NEK3: variants seen among roughly 807,000 people sequenced by gnomAD.
NEK3 encodes the protein serine/threonine-protein kinase Nek3.
In NEK3, 54 loss-of-function variants were observed where a neutral mutation model predicts 66.0. The observed-to-expected ratio is 0.82, with a 90% CI of 0.66 to 1.03. The LOEUF is 1.03. Ranked by LOEUF, NEK3 falls within the 50% of genes least tolerant of loss-of-function variation. The probability of loss-of-function intolerance (pLI) is 0.00; values close to 1 mark genes in which losing one functional copy is unlikely to be tolerated. For synonymous variants in NEK3, 200 were observed against 206.2 expected (o/e 0.97, Z 0.26); for missense variants, 593 against 603.0 (o/e 0.98, Z 0.17).
intron 11 of NEK3, among the ~76,000 whole-genome samples, chr13:52,139,246 T>C (rs1289176680): frequency 6.6e-6 from 1 of 152,206 alleles, no homozygotes; most frequent in African/African-American, 2.4e-5. Context: ...GAATGAAGTT[T>C]TGACACACAG....
chr13:52,133,065 T>A lies in NEK3; in HGVS notation c.*77A>T. 1 of 1,131,438 alleles carries A rather than the reference T, an allele frequency of 8.8e-7. No individual in the cohort carries two copies. The allele number at this position is 1,131,438 out of a possible 1,614,324, so 70.1% of individuals were successfully genotyped here. ...TTTCCAAAGGAAAATATACGTCGCA[T>A]GAACTCATGATCATCTCAGCATGAA... is the stretch of plus-strand genomic sequence containing the variant. On this transcript the variant is annotated 3_prime_UTR_variant, in exon 16 of 16. Transcript: ENST00000610828.
At chr13:52,133,966 A>C in intron 14 of NEK3, 151 bp from the exon 15 acceptor site, 1 of 711,606 alleles carries the variant, frequency 1.4e-6, no homozygotes. Flanking sequence ...ACCCAACATG[A>C]TTGTAGGCAT....
At chr13:52,143,250 A>C (rs1449957440) in intron 10 of NEK3, among the ~76,000 whole-genome samples, 1 of 151,854 alleles carries the variant, frequency 6.6e-6, no homozygotes, top group Non-Finnish European at 1.5e-5. Flanking sequence ...TGGGGGGCAG[A>C]GGTTGCAGTG....
chr13:52,156,224 C>A lies in NEK3; in HGVS notation c.-33G>T. On this transcript the variant is annotated 5_prime_UTR_variant, in exon 2 of 16. Coordinates refer to ENST00000610828, the MANE Select transcript of NEK3 (RefSeq NM_002498.3). ...CATCCACACAGCTGGGCTCCACTCA[C>A]GCAGTCACCATGGGCTCTCCCAAAC... is the stretch of plus-strand genomic sequence containing the variant. The A allele has an allele frequency of 7.5e-7, 1 of 1,333,256 alleles. No individual in the cohort carries two copies. Among genetic ancestry groups the A allele is most frequent in the Non-Finnish European group, 1.1e-6 (1 of 943,078 alleles). 82.6% of individuals were successfully genotyped at this position (1,333,256 alleles called of 1,614,324 possible).
At chr13:52,143,204 T>A (rs1224166958) in intron 10 of NEK3, among the ~76,000 whole-genome samples, 1 of 151,928 alleles carries the variant, frequency 6.6e-6, no homozygotes, top group Non-Finnish European at 1.5e-5. Context: ...TAATCCTAGC[T>A]ACTTGGGAGG....
intron 10 of NEK3, among the ~76,000 whole-genome samples, chr13:52,141,357 A>T (rs1457717809): frequency 6.6e-6 from 1 of 152,258 alleles, no homozygotes; most frequent in Non-Finnish European, 1.5e-5. Flanking sequence ...AAGAGGTAAC[A>T]TACTCTGCAT....
chr13:52,154,051 T>C, intron 3 of NEK3, 29 bp downstream of exon 3: 1 of 1,601,970 alleles, frequency 6.2e-7, no homozygotes, highest in Non-Finnish European at 8.5e-7. Flanking sequence ...AATTCAGAAA[T>C]GCACATATCT....
At chr13:52,143,576 T>A (rs1178938916) in intron 10 of NEK3, among the ~76,000 whole-genome samples, 1 of 152,196 alleles carries the variant, frequency 6.6e-6, no homozygotes, top group African/African-American at 2.4e-5. Context: ...TCCTACAAGA[T>A]TAGTGCTATA....
At chr13:52,147,820 T>G (rs889333122) in intron 8 of NEK3, among the ~76,000 whole-genome samples, 1 of 151,674 alleles carries the variant, frequency 6.6e-6, no homozygotes, top group African/African-American at 2.4e-5. Context: ...ACAAAAAAAA[T>G]GTCTCTAGTA....
chr13:52,138,743 A>G (rs1279674294), intron 11 of NEK3, among the ~76,000 whole-genome samples: 2 of 152,166 alleles, frequency 1.3e-5, no homozygotes, highest in East Asian at 3.9e-4. Context: ...CAGCCTGGGC[A>G]ACATAGTGAG....
chr13:52,148,374 A>G lies in NEK3; in HGVS notation c.603+41T>C, dbSNP rs561295502. ...TGTCACATTATTAGGGCTCAGCTAG[A>G]TATGACAAGCTGCCTTTTCCATTTT... On this transcript the variant is annotated intron_variant, in intron 8 of 15. Transcript: ENST00000610828. 2.6e-5 allele frequency: 41 copies of G among 1,580,324 alleles called. No individual in the cohort carries two copies. In the African/African-American group the frequency reaches 5.1e-4, roughly 20 times the overall value.
intron 7 of NEK3, among the ~76,000 whole-genome samples, chr13:52,149,147 C>T (rs1175229316): frequency 6.6e-6 from 1 of 152,000 alleles, no homozygotes; most frequent in African/African-American, 2.4e-5. Flanking sequence ...GATCCGCGCG[C>T]CTCAGCCTCC....
chr13:52,150,602 G>GA (rs1268241755), intron 7 of NEK3, among the ~76,000 whole-genome samples: 3 of 152,068 alleles, frequency 2.0e-5, no homozygotes, highest in African/African-American at 7.2e-5. Context: ...CTTATATTCA[G>GA]AAAAAATACT....
At chr13:52,134,359 C>G (rs954215670) in intron 14 of NEK3, among the ~76,000 whole-genome samples, 3 of 151,730 alleles carry the variant, frequency 2.0e-5, no homozygotes, top group African/African-American at 7.3e-5. Flanking sequence ...AAAAAAAAAA[C>G]TCGGAAAATT....
chr13:52,138,407 G>A (rs1956222253), intron 11 of NEK3, among the ~76,000 whole-genome samples: 2 of 152,134 alleles, frequency 1.3e-5, no homozygotes, highest in Non-Finnish European at 2.9e-5. Context: ...GCATAAAAAT[G>A]GGTAAATTTT....
chr13:52,141,867 G>A (rs1389516625), intron 10 of NEK3, among the ~76,000 whole-genome samples: 1 of 151,200 alleles, frequency 6.6e-6, no homozygotes, highest in Non-Finnish European at 1.5e-5. Flanking sequence ...ATCACCTGAG[G>A]TCAGGAGTTT....
intron 8 of NEK3, chr13:52,148,163 A>C: frequency 2.8e-6 from 1 of 354,084 alleles, no homozygotes; most frequent in Non-Finnish European, 5.0e-6. Flanking sequence ...AATAGCAAAA[A>C]GAAAGAAAAG....
intron 11 of NEK3, among the ~76,000 whole-genome samples, chr13:52,140,049 C>CAAAA (rs34051162): frequency 4.2e-4 from 36 of 86,644 alleles, no homozygotes; most frequent in South Asian, 4.6e-4. Flanking sequence ...AAAAAAATGC[C>CAAAA]AAAAAAAAAA....
At position 52,156,171 on chromosome 13, in the gene NEK3, C is replaced by G. The variant is rs766648251; in HGVS notation, c.21G>C (p.Leu7=). The G allele has an allele frequency of 6.3e-6, 10 of 1,599,890 alleles. No individual in the cohort carries two copies. Among genetic ancestry groups the G allele is most frequent in the African/African-American group, 1.3e-5 (1 of 74,722 alleles). Residue 7 remains leucine, a synonymous_variant, in exon 2 of 16, where the codon CTG becomes CTC. Coordinates refer to ENST00000610828, the MANE Select transcript of NEK3 (RefSeq NM_002498.3). Reference sequence around the variant, plus strand: ...CGAAGGAGCCCTCCCCAATCATTCTCAGGACCATGTAGTCATCCATGCTGG... The same window carrying G: ...CGAAGGAGCCCTCCCCAATCATTCTGAGGACCATGTAGTCATCCATGCTGG... MDDYMV[L]RMIGEGSFGR...
Sources: allele counts gnomAD v4.1 joint callset (sites outside exome capture counted in the v4.1 genomes callset), GRCh38; gene constraint gnomAD v4.1.1; transcripts MANE v1.5; gene names NCBI Gene and HGNC (gene_info 2026-07-23, HGNC 2026-07-21).